CNTNAP5: variants seen among roughly 807,000 people sequenced by gnomAD.
CNTNAP5 encodes contactin-associated protein-like 5.
CNTNAP5 carries 72 observed loss-of-function variants against 150.2 expected under a neutral mutation model. The observed-to-expected ratio is 0.48, with a 90% CI of 0.40 to 0.58. CNTNAP5 has a LOEUF of 0.58. CNTNAP5 is among the 20% of genes least tolerant of loss of function. The probability of loss-of-function intolerance (pLI) is 0.00; values close to 1 mark genes in which losing one functional copy is unlikely to be tolerated. For missense variants in CNTNAP5, 1,636 were observed against 1,626.2 expected (o/e 1.01, Z -0.10); for synonymous variants, 672 against 619.8 (o/e 1.08, Z -1.25).
chr2:124,366,197 G>A (rs1025673125), intron 3 of CNTNAP5, among the ~76,000 whole-genome samples: 3 of 152,088 alleles, frequency 2.0e-5, no homozygotes, highest in Non-Finnish European at 4.4e-5. Context: ...TGTAAAACCA[G>A]AATCACAGGG....
At chr2:124,510,273 C>CTATATATA (rs369953695) in intron 8 of CNTNAP5, among the ~76,000 whole-genome samples, 3 of 33,918 alleles carry the variant, frequency 8.8e-5, no homozygotes, top group Non-Finnish European at 1.3e-4. Context: ...ATCTATATAT[C>CTATATATA]TATATCTATA....
At chr2:124,025,852 A>G (rs1224889685) in intron 1 of CNTNAP5, 120 bp downstream of exon 1, 3 of 872,914 alleles carry the variant, frequency 3.4e-6, no homozygotes, top group Non-Finnish European at 5.7e-6. Flanking sequence ...CGGAAAAAAA[A>G]TGCTGATCAG....
intron 23 of CNTNAP5, among the ~76,000 whole-genome samples, chr2:124,913,542 G>A (rs1678699655): frequency 6.6e-6 from 1 of 152,068 alleles, no homozygotes; most frequent in Admixed American, 6.6e-5. Flanking sequence ...AGAGTTCAGA[G>A]CAGTGTAAAA....
intron 1 of CNTNAP5, among the ~76,000 whole-genome samples, chr2:124,166,739 T>G (rs1684816265): frequency 6.6e-6 from 1 of 152,144 alleles, no homozygotes; most frequent in African/African-American, 2.4e-5. Flanking sequence ...AATCAGACAA[T>G]TAGGCTTTAT....
At chr2:124,786,352 G>GA (rs1681572712) in intron 17 of CNTNAP5, among the ~76,000 whole-genome samples, 1 of 59,156 alleles carries the variant, frequency 1.7e-5, no homozygotes, top group East Asian at 5.8e-4. Context: ...AGAAAGAAAG[G>GA]AAGAAAGAAA....
At chr2:124,553,564 C>CAA (rs61499451) in intron 10 of CNTNAP5, among the ~76,000 whole-genome samples, 2 of 149,900 alleles carry the variant, frequency 1.3e-5, no homozygotes, top group East Asian at 1.9e-4. Flanking sequence ...TATGCAGTCT[C>CAA]AAAAAAAAGA....
At chr2:124,830,143 A>T (rs569624137) in intron 19 of CNTNAP5, among the ~76,000 whole-genome samples, 1 of 152,034 alleles carries the variant, frequency 6.6e-6, no homozygotes, top group African/African-American at 2.4e-5. Context: ...CTACCTAATA[A>T]GTCTAATATT....
intron 19 of CNTNAP5, among the ~76,000 whole-genome samples, chr2:124,809,807 G>A (rs6722936): frequency 0.021 from 3,130 of 152,202 alleles, 103 homozygotes; most frequent in African/African-American, 0.071. Context: ...TAAATGTGGA[G>A]GAGGTGTTAG....
intron 3 of CNTNAP5, among the ~76,000 whole-genome samples, chr2:124,369,454 G>A (rs901860169): frequency 6.6e-6 from 1 of 152,104 alleles, no homozygotes; most frequent in East Asian, 1.9e-4. Context: ...GATGGTGGGG[G>A]TGGGATCTTA....
intron 3 of CNTNAP5, among the ~76,000 whole-genome samples, chr2:124,414,921 G>T (rs1204133711): frequency 6.6e-6 from 1 of 152,090 alleles, no homozygotes; most frequent in African/African-American, 2.4e-5. Context: ...TGAAGAGAAG[G>T]TTCCACAGTT....
At chr2:124,671,245 G>A (rs758028575) in intron 13 of CNTNAP5, among the ~76,000 whole-genome samples, 3 of 152,192 alleles carry the variant, frequency 2.0e-5, no homozygotes, top group Non-Finnish European at 4.4e-5. Flanking sequence ...ATAGAAGCAC[G>A]TATCTGGGAT....
intron 19 of CNTNAP5, among the ~76,000 whole-genome samples, chr2:124,831,465 C>T (rs569364684): frequency 1.0e-3 from 151 of 151,696 alleles, no homozygotes; most frequent in Non-Finnish European, 1.5e-3. Flanking sequence ...ATAAAATTGT[C>T]CTTTTTCTCA....
At position 124,177,220 on chromosome 2, in the gene CNTNAP5, A is replaced by G. The variant is rs141954505; in HGVS notation, c.83-44485A>G. Among the ~76,000 whole-genome samples, 349 of 152,064 alleles carry G rather than the reference A, an allele frequency of 2.3e-3. 1 individual carries two copies. Among genetic ancestry groups the G allele is most frequent in the Non-Finnish European group, 3.1e-3 (212 of 67,980 alleles). The stretch of plus-strand genomic sequence containing the variant: ...AGTTAGAGTAATATTTTTAGGTTTT[A>G]TGGTTGGCTTTGGGAAAAAGGGGTT... On this transcript the variant is annotated intron_variant, in intron 1 of 23. Transcript: ENST00000682447.
chr2:124,448,328 A>G (rs1229867273), intron 6 of CNTNAP5, among the ~76,000 whole-genome samples: 3 of 151,700 alleles, frequency 2.0e-5, no homozygotes, highest in Non-Finnish European at 4.4e-5. Flanking sequence ...AATTAGTTTT[A>G]AAAGCTAATA....
intron 21 of CNTNAP5, among the ~76,000 whole-genome samples, chr2:124,879,170 C>G (rs1677919062): frequency 6.6e-6 from 1 of 152,092 alleles, no homozygotes; most frequent in Admixed American, 6.6e-5. Context: ...GACATTACCA[C>G]TGTCCCTCTC....
At chr2:124,101,090 C>A (rs1214758185) in intron 1 of CNTNAP5, among the ~76,000 whole-genome samples, 1 of 152,064 alleles carries the variant, frequency 6.6e-6, no homozygotes, top group Non-Finnish European at 1.5e-5. Context: ...AACCCTTGAT[C>A]ACGACAGATA....
intron 1 of CNTNAP5, among the ~76,000 whole-genome samples, chr2:124,093,705 T>C (rs1342306739): frequency 1.3e-5 from 2 of 152,216 alleles, no homozygotes; most frequent in Non-Finnish European, 2.9e-5. Flanking sequence ...TTGTTCACTC[T>C]CTCTAATCTT....
At chr2:124,066,599 G>A (rs1422465264) in intron 1 of CNTNAP5, among the ~76,000 whole-genome samples, 1 of 151,820 alleles carries the variant, frequency 6.6e-6, no homozygotes, top group Admixed American at 6.6e-5. Flanking sequence ...TCTCCTTGGT[G>A]TTACTTTTAC....
chr2:124,562,450 T>G (rs988477212), intron 10 of CNTNAP5, among the ~76,000 whole-genome samples: 3 of 152,212 alleles, frequency 2.0e-5, no homozygotes, highest in African/African-American at 4.8e-5. Flanking sequence ...TGGACACTTA[T>G]GTTGATTCAC....
Sources: allele counts gnomAD v4.1 joint callset (sites outside exome capture counted in the v4.1 genomes callset), GRCh38; gene constraint gnomAD v4.1.1; transcripts MANE v1.5; gene names NCBI Gene and HGNC (gene_info 2026-07-23, HGNC 2026-07-21).